ABCA13: variants seen among roughly 807,000 people sequenced by gnomAD.
The protein encoded by ABCA13 is ATP-binding cassette sub-family A member 13.
ABCA13 carries 476 observed loss-of-function variants against 478.7 expected under a neutral mutation model. That is an observed-to-expected ratio of 0.99 (90% CI 0.92 to 1.07). The LOEUF (loss-of-function observed/expected upper bound fraction) is 1.07, where lower values mean the gene tolerates loss of function less well. Among genes scored for constraint, ABCA13 ranks in the 50% least tolerant of loss-of-function variants. The pLI is 0.00. For missense variants in ABCA13, 6,060 were observed against 5,910.6 expected (o/e 1.03, Z -0.83); for synonymous variants, 2,252 against 2,158.9 (o/e 1.04, Z -1.20).
intron 31 of ABCA13, among the ~76,000 whole-genome samples, chr7:48,353,672 T>C (rs895732488): frequency 6.6e-6 from 1 of 151,752 alleles, no homozygotes; most frequent in Non-Finnish European, 1.5e-5. Context: ...AGTGATAGGC[T>C]GCATACATAA....
intron 7 of ABCA13, among the ~76,000 whole-genome samples, chr7:48,233,759 A>C (rs1318988241): frequency 1.3e-5 from 2 of 152,184 alleles, no homozygotes; most frequent in Non-Finnish European, 2.9e-5. Context: ...GAATTTTATA[A>C]AGCTCTTGAA....
intron 41 of ABCA13, among the ~76,000 whole-genome samples, chr7:48,414,598 A>C (rs766831710): frequency 6.7e-6 from 1 of 150,196 alleles, no homozygotes; most frequent in Admixed American, 6.7e-5. Flanking sequence ...ATATACATAC[A>C]TATACATATA....
intron 41 of ABCA13, among the ~76,000 whole-genome samples, chr7:48,420,993 G>C (rs185575889): frequency 6.6e-6 from 1 of 152,204 alleles, no homozygotes; most frequent in African/African-American, 2.4e-5. Context: ...GCCTCAATAT[G>C]GGTTTGCCCT....
chr7:48,516,629 G>C (rs1832135246), intron 51 of ABCA13, 96 bp from the exon 52 acceptor site: 2 of 1,237,566 alleles, frequency 1.6e-6, no homozygotes, highest in Non-Finnish European at 2.3e-6. Context: ...TGCATTTTCA[G>C]GGATTCACCC....
At chr7:48,241,801 AT>A (rs1340385557) in intron 10 of ABCA13, among the ~76,000 whole-genome samples, 1 of 152,256 alleles carries the variant, frequency 6.6e-6, no homozygotes, top group East Asian at 1.9e-4. Flanking sequence ...TGTTCTTATG[AT>A]TACTTAAGAA....
intron 59 of ABCA13, among the ~76,000 whole-genome samples, chr7:48,628,395 T>A (rs1793863189): frequency 6.6e-6 from 1 of 152,184 alleles, no homozygotes; most frequent in South Asian, 2.1e-4. Context: ...TTTTACTTTA[T>A]ACAGAGCTGA....
rs200163621 is a variant in ABCA13 at position 48,335,523 on chromosome 7, C to G, written c.10101C>G (p.Phe3367Leu). The G allele has an allele frequency of 2.9e-5, 46 of 1,613,336 alleles. No homozygotes were observed. The highest frequency in any genetic ancestry group is 3.9e-5 in the Non-Finnish European group (46 of 1,179,590). The change falls in exon 28 of 62, where the codon TTC becomes TTG. Residue 3367 changes from phenylalanine (F) to leucine (L), a missense_variant. By Grantham distance (22) the Phe-to-Leu change is conservative. Transcript: ENST00000435803. ...AGAGAAGTGGAAGTGGCCAGATGTTCAACCAGCTGCAGGTGAGTGGTTGGT... is the reference window on the plus strand; with the variant it reads ...AGAGAAGTGGAAGTGGCCAGATGTTGAACCAGCTGCAGGTGAGTGGTTGGT... ...LFQRSGSGQM[F>L]NQLQEALRNK...
intron 42 of ABCA13, among the ~76,000 whole-genome samples, chr7:48,452,216 G>T (rs1361084255): frequency 1.3e-5 from 2 of 152,122 alleles, no homozygotes; most frequent in Non-Finnish European, 2.9e-5. Context: ...GTTTATTCTG[G>T]CAGTTTAATA....
intron 39 of ABCA13, chr7:48,404,682 A>G (rs1563197238): frequency 6.6e-6 from 1 of 152,318 alleles, no homozygotes; most frequent in East Asian, 1.9e-4. Flanking sequence ...AACAAGAAAG[A>G]GTCCTTCTTT....
At chr7:48,297,415 T>G in intron 22 of ABCA13, 104 bp downstream of exon 22, 1 of 1,115,394 alleles carries the variant, frequency 9.0e-7, no homozygotes, top group Non-Finnish European at 1.3e-6. Context: ...TTATGCTATA[T>G]GTGATACATA....
intron 58 of ABCA13, among the ~76,000 whole-genome samples, chr7:48,597,827 A>G (rs999506138): frequency 6.6e-6 from 1 of 152,228 alleles, no homozygotes; most frequent in Non-Finnish European, 1.5e-5. Context: ...TGAAAAATTG[A>G]GAGGAAGGTA....
At chr7:48,302,391 A>T (rs925499532) in intron 23 of ABCA13, among the ~76,000 whole-genome samples, 2 of 152,160 alleles carry the variant, frequency 1.3e-5, no homozygotes, top group African/African-American at 4.8e-5. Flanking sequence ...CTGGTTTGTT[A>T]TATAGGTAAA....
At chr7:48,280,327 T>C (rs1796866998) in intron 18 of ABCA13, among the ~76,000 whole-genome samples, 1 of 152,220 alleles carries the variant, frequency 6.6e-6, no homozygotes. Flanking sequence ...CTTTCAGTTG[T>C]AGCTAACCAC....
At chr7:48,444,734 A>G (rs1207174490) in intron 42 of ABCA13, among the ~76,000 whole-genome samples, 1 of 152,138 alleles carries the variant, frequency 6.6e-6, no homozygotes, top group East Asian at 1.9e-4. Flanking sequence ...GCTCTTGGCT[A>G]TAACTGCCTG....
Position 48,279,014 on chromosome 7 carries a change from A to C in ABCA13, c.7820A>C (p.Tyr2607Ser). The C allele has an allele frequency of 1.2e-6, 2 of 1,613,372 alleles. No individual in the cohort carries two copies. Among genetic ancestry groups the C allele is most frequent in the East Asian group, 2.2e-5 (1 of 44,850 alleles). The change falls in exon 18 of 62, where the codon TAT (tyrosine) becomes TCT (serine). Residue 2607 changes from tyrosine to serine, a missense_variant. Tyr to Ser is a moderately radical substitution (Grantham distance 144, BLOSUM62 -2). Coordinates refer to ENST00000435803, the MANE Select transcript of ABCA13 (RefSeq NM_152701.5). ...TTTGAAATGATTGGGGTAGAACCTT[A>C]TATATCATCAAACTCTGATATTTTC... ...LAFEMIGVEP[Y>S]ISSNSDIFSM... is the part of the protein sequence containing the mutation.
chr7:48,481,087 C>T lies in ABCA13; in HGVS notation c.13027C>T (p.His4343Tyr). 3 of 1,603,490 alleles carry T rather than the reference C, an allele frequency of 1.9e-6. No individual in the cohort carries two copies. The highest frequency in any genetic ancestry group is 2.6e-6 in the Non-Finnish European group (3 of 1,174,884). ...SAPYLTNHLG[H>Y]TLLNLSGFNM... ...TCCCTACCTGACCAACCACCTGGGC[C>T]ACACACTGTTGAATCTCTCAGGCTT... Residue 4343 changes from histidine (H) to tyrosine (Y), a missense_variant, in exon 46 of 62, where the codon CAC becomes TAC. Physicochemically the swap from His to Tyr is moderately conservative, Grantham distance 83. Around this residue, in one of 3 missense-constraint regions of ABCA13, gnomAD observed 1,627 missense variants for 1,571.0 expected, o/e 1.04. Coordinates refer to ENST00000435803, the MANE Select transcript of ABCA13 (RefSeq NM_152701.5).
At chr7:48,215,956 A>T (rs954411824) in intron 3 of ABCA13, among the ~76,000 whole-genome samples, 2 of 152,190 alleles carry the variant, frequency 1.3e-5, no homozygotes. Context: ...TTTAAAATTG[A>T]TGATCAACTA....
At chr7:48,296,901 G>A (rs528302980) in intron 21 of ABCA13, among the ~76,000 whole-genome samples, 1 of 152,294 alleles carries the variant, frequency 6.6e-6, no homozygotes, top group South Asian at 2.1e-4. Flanking sequence ...ATCTGACCCT[G>A]GCTATCCTAA....
At chr7:48,606,015 C>T (rs1340965716) in intron 58 of ABCA13, among the ~76,000 whole-genome samples, 1 of 152,174 alleles carries the variant, frequency 6.6e-6, no homozygotes, top group African/African-American at 2.4e-5. Flanking sequence ...GCTAGTGATA[C>T]TTGTGCATGC....
Sources: allele counts gnomAD v4.1 joint callset (sites outside exome capture counted in the v4.1 genomes callset), GRCh38; gene constraint gnomAD v4.1.1; regional missense constraint gnomAD v4.1.1; transcripts MANE v1.5; gene names NCBI Gene and HGNC (gene_info 2026-07-23, HGNC 2026-07-21).